The following ARHGEF7 variants were observed in gnomAD, a reference collection of about 807,000 sequenced individuals.
The protein encoded by ARHGEF7 is Rho guanine nucleotide exchange factor 7, also known as PAK-interacting exchange factor beta.
A neutral mutation model predicts 109.8 loss-of-function variants in ARHGEF7; 33 were observed. The ratio of observed to expected loss-of-function variants is 0.30; its 90% confidence interval spans 0.23 to 0.40. The LOEUF (loss-of-function observed/expected upper bound fraction) is 0.40. Ranked by LOEUF, ARHGEF7 falls within the 10% of genes least tolerant of loss-of-function variation. ARHGEF7 has a pLI of 1.00. For missense variants in ARHGEF7, 938 were observed against 1,098.5 expected (o/e 0.85, Z 2.07); for synonymous variants, 458 against 424.6 (o/e 1.08, Z -0.97).
chr13:111,243,792 T>G, intron 6 of ARHGEF7, 80 bp from the exon 7 acceptor site: 5 of 863,416 alleles, frequency 5.8e-6, no homozygotes, highest in Non-Finnish European at 9.1e-6. Flanking sequence ...ACAATGGCGA[T>G]GAACTGTCCA....
chr13:111,182,824 G>A (rs1055871486), intron 2 of ARHGEF7: 1 of 152,228 alleles, frequency 6.6e-6, no homozygotes, highest in Admixed American at 6.5e-5. Context: ...TGGTGCAAAA[G>A]CAATGCACAT....
rs142084533 is a variant in ARHGEF7, at chr13:111,277,134, C to T, written c.1420-453C>T. ...TATCCTTTCTTTAGCTTAAAGACTCCACCTGTTCCCCCTGACCCCATTAAA... is the reference window on the plus strand; with the variant it reads ...TATCCTTTCTTTAGCTTAAAGACTCTACCTGTTCCCCCTGACCCCATTAAA... On this transcript the variant is annotated intron_variant, in intron 12 of 21. Transcript: ENST00000646102. 6.0e-3 allele frequency among the ~76,000 whole-genome samples: 910 copies of T among 152,234 alleles called. 9 individuals are homozygous for T. Among genetic ancestry groups the T allele is most frequent in the African/African-American group, 0.021 (859 of 41,536 alleles).
At chr13:111,300,420 T>C (rs937058706) in intron 19 of ARHGEF7, among the ~76,000 whole-genome samples, 5 of 152,218 alleles carry the variant, frequency 3.3e-5, no homozygotes, top group South Asian at 2.1e-4. Flanking sequence ...TGGCTCAAAA[T>C]GGGATGAATA....
At chr13:111,269,224 C>T (rs1309105047) in intron 9 of ARHGEF7, among the ~76,000 whole-genome samples, 1 of 152,230 alleles carries the variant, frequency 6.6e-6, no homozygotes, top group Non-Finnish European at 1.5e-5. Context: ...GCCCCTACCC[C>T]TGGGAATTTA....
chr13:111,274,815 C>A, intron 11 of ARHGEF7, 25 bp downstream of exon 11: 1 of 1,357,292 alleles, frequency 7.4e-7, no homozygotes, highest in Non-Finnish European at 9.8e-7. Context: ...ATATTGTTTT[C>A]CCCCCCAGAC....
chr13:111,139,884 G>A (rs1195003787), intron 1 of ARHGEF7, among the ~76,000 whole-genome samples: 1 of 152,230 alleles, frequency 6.6e-6, no homozygotes, highest in African/African-American at 2.4e-5. Context: ...GCAACAGGAT[G>A]CAGCCATCAA....
chr13:111,155,475 A>G (rs978696664), intron 2 of ARHGEF7, among the ~76,000 whole-genome samples: 4 of 152,260 alleles, frequency 2.6e-5, no homozygotes, highest in East Asian at 1.9e-4. Context: ...CGTAAGTGAA[A>G]GTGCTAGGGG....
chr13:111,256,568 T>C (rs2090447557), intron 8 of ARHGEF7, among the ~76,000 whole-genome samples: 1 of 152,236 alleles, frequency 6.6e-6, no homozygotes, highest in African/African-American at 2.4e-5. Flanking sequence ...TTTGTGCCGA[T>C]CTCTGTGGAG....
intron 5 of ARHGEF7, among the ~76,000 whole-genome samples, chr13:111,229,587 C>T (rs983684532): frequency 6.6e-6 from 1 of 152,156 alleles, no homozygotes; most frequent in Non-Finnish European, 1.5e-5. Context: ...CTTTGGGGAA[C>T]CTGGTCCCTT....
chr13:111,193,910 A>G (rs1279408905), intron 2 of ARHGEF7, among the ~76,000 whole-genome samples: 1 of 152,210 alleles, frequency 6.6e-6, no homozygotes, highest in African/African-American at 2.4e-5. Flanking sequence ...AGGGCCACGC[A>G]TGTACATATT....
intron 9 of ARHGEF7, among the ~76,000 whole-genome samples, chr13:111,271,086 T>A (rs1170566589): frequency 6.6e-6 from 1 of 152,224 alleles, no homozygotes; most frequent in Admixed American, 6.5e-5. Context: ...GTGGCCTTCA[T>A]GCAGGCCGTC....
intron 6 of ARHGEF7, among the ~76,000 whole-genome samples, chr13:111,243,137 A>G (rs1012707421): frequency 6.6e-6 from 1 of 152,226 alleles, no homozygotes; most frequent in Non-Finnish European, 1.5e-5. Flanking sequence ...AAATGTGGTA[A>G]TAAGGTGTCT....
chr13:111,293,425 G>T (rs2093348153), intron 19 of ARHGEF7: 1 of 960,902 alleles, frequency 1.0e-6, no homozygotes, highest in Admixed American at 8.3e-5. Flanking sequence ...TTGCCATGTG[G>T]CTCACTTATT....
At chr13:111,263,087 T>G (rs2091274947) in intron 8 of ARHGEF7, among the ~76,000 whole-genome samples, 1 of 152,234 alleles carries the variant, frequency 6.6e-6, no homozygotes, top group Non-Finnish European at 1.5e-5. Context: ...GTAATGGTGA[T>G]TTCTGTGAGT....
chr13:111,293,175 G>A (rs985948783), intron 19 of ARHGEF7: 4 of 985,302 alleles, frequency 4.1e-6, no homozygotes, highest in African/African-American at 3.5e-5. Context: ...GCCTCTGCAA[G>A]TGTAGACTAC....
intron 8 of ARHGEF7, among the ~76,000 whole-genome samples, chr13:111,253,042 C>G (rs1245429891): frequency 6.6e-6 from 1 of 152,240 alleles, no homozygotes; most frequent in Non-Finnish European, 1.5e-5. Context: ...GAGCCCAGGC[C>G]CCCTTCTCCT....
chr13:111,206,931 C>T (rs1197094000), intron 3 of ARHGEF7, among the ~76,000 whole-genome samples: 1 of 144,006 alleles, frequency 6.9e-6, no homozygotes, highest in Non-Finnish European at 1.5e-5. Context: ...CACTGCACTC[C>T]AGCCTGGGCG....
rs548622354 is a variant in ARHGEF7 at position 111,197,189 on chromosome 13, G to A, written c.253-8100G>A. 2.0e-5 allele frequency among the ~76,000 whole-genome samples: 3 copies of A among 151,598 alleles called. No individual in the cohort carries two copies. The South Asian group carries it at 6.3e-4, about 32-fold the overall frequency. On this transcript the variant is annotated intron_variant, in intron 2 of 21. Transcript: ENST00000646102. Reference sequence around the variant, plus strand: ...AGCAGCAGAAACACCTCTTGCCCAAGAACCCTGGACCCTGCTGATGGGAAT... The same window carrying A: ...AGCAGCAGAAACACCTCTTGCCCAAAAACCCTGGACCCTGCTGATGGGAAT...
Position 111,267,537 on chromosome 13 carries a change from C to T in ARHGEF7, c.951-11C>T. On this transcript the variant is annotated splice_polypyrimidine_tract_variant and intron_variant, in intron 8 of 21. Coordinates refer to ENST00000646102, the MANE Select transcript of ARHGEF7 (RefSeq NM_001354046.2). ...CTGATGACTATTTCCCTTTGTGTCG[C>T]ATTTCTCCAGGTTGCCCGAAGCTCA... 1 of 1,613,684 alleles carries T rather than the reference C, an allele frequency of 6.2e-7. No individual in the cohort carries two copies. The highest frequency in any genetic ancestry group is 8.5e-7 in the Non-Finnish European group (1 of 1,179,750).
Sources: allele counts gnomAD v4.1 joint callset (sites outside exome capture counted in the v4.1 genomes callset), GRCh38; gene constraint gnomAD v4.1.1; transcripts MANE v1.5; gene names NCBI Gene and HGNC (gene_info 2026-07-23, HGNC 2026-07-21).